WASF3: variants seen among roughly 807,000 people sequenced by gnomAD.
WASF3 encodes actin-binding protein WASF3.
WASF3 carries 11 observed loss-of-function variants against 46.6 expected under a neutral mutation model. The observed-to-expected ratio is 0.24, with a 90% CI of 0.15 to 0.39. The LOEUF (loss-of-function observed/expected upper bound fraction) is 0.39. Among genes scored for constraint, WASF3 ranks in the 10% least tolerant of loss-of-function variants. The probability of loss-of-function intolerance (pLI) is 1.00; values close to 1 mark genes in which losing one functional copy is unlikely to be tolerated. For synonymous variants in WASF3, 242 were observed against 259.7 expected (o/e 0.93, Z 0.65); for missense variants, 576 against 669.8 (o/e 0.86, Z 1.55).
intron 1 of WASF3, among the ~76,000 whole-genome samples, chr13:26,590,804 C>T (rs1184883144): frequency 6.6e-6 from 1 of 152,176 alleles, no homozygotes; most frequent in Non-Finnish European, 1.5e-5. Flanking sequence ...TCAAAAAAAT[C>T]CCTGCCCTCA....
chr13:26,544,316 C>A, the WASF3 span, among the ~76,000 whole-genome samples: 10 of 152,130 alleles, frequency 6.6e-5, no homozygotes, highest in Admixed American at 5.9e-4. Context: ...CAAAAGGAAC[C>A]CTTATCTAAG....
intron 1 of WASF3, among the ~76,000 whole-genome samples, chr13:26,582,077 G>A (rs1191968406): frequency 6.6e-6 from 1 of 152,186 alleles, no homozygotes; most frequent in Non-Finnish European, 1.5e-5. Context: ...CTTTGCATGA[G>A]TCTGATTTCT....
At chr13:26,666,360 T>C (rs552027495) in intron 4 of WASF3, among the ~76,000 whole-genome samples, 9 of 152,318 alleles carry the variant, frequency 5.9e-5, no homozygotes, top group African/African-American at 2.2e-4. Flanking sequence ...TTAAATTTTA[T>C]GAGATTTTAT....
chr13:26,636,706 C>T (rs1881834391), intron 2 of WASF3, among the ~76,000 whole-genome samples: 1 of 152,212 alleles, frequency 6.6e-6, no homozygotes. Context: ...ACAGCCTTAG[C>T]AGCCAGGCTG....
intron 4 of WASF3, among the ~76,000 whole-genome samples, chr13:26,665,395 T>C (rs889535243): frequency 6.6e-6 from 1 of 152,188 alleles, no homozygotes. Flanking sequence ...ATTACAAATA[T>C]AGTATTTGTT....
chr13:26,662,060 A>G (rs1167006249), intron 3 of WASF3, among the ~76,000 whole-genome samples: 2 of 152,192 alleles, frequency 1.3e-5, no homozygotes, highest in African/African-American at 2.4e-5. Flanking sequence ...TGGGGCTGCA[A>G]GTAGTGCATT....
intron 2 of WASF3, among the ~76,000 whole-genome samples, chr13:26,641,680 A>G (rs1882000884): frequency 1.3e-5 from 2 of 152,164 alleles, no homozygotes. Flanking sequence ...ATGGGTGAGG[A>G]GTCTGACTTC....
chr13:26,557,870 C>CACAGCAGCACAGAGGCTGTAGGCTG (rs1879146589), intron 1 of WASF3, 51 bp downstream of exon 1: 1 of 297,246 alleles, frequency 3.4e-6, no homozygotes, highest in Non-Finnish European at 6.2e-6. Flanking sequence ...CTGCTGTGGC[C>CACAGCAGCACAGAGGCTGTAGGCTG]CTCTCGGCTC....
chr13:26,602,268 A>G (rs1297073626), intron 1 of WASF3, among the ~76,000 whole-genome samples: 1 of 152,228 alleles, frequency 6.6e-6, no homozygotes, highest in African/African-American at 2.4e-5. Context: ...ATTGGATGCC[A>G]CTGATTAAAT....
At chr13:26,597,501 CTTTAAG>C (rs1361730538) in intron 1 of WASF3, among the ~76,000 whole-genome samples, 2 of 151,286 alleles carry the variant, frequency 1.3e-5, no homozygotes, top group African/African-American at 2.4e-5. Context: ...TTTTATTATA[CTTTAAG>C]TTTTAGGGTA....
intron 1 of WASF3, among the ~76,000 whole-genome samples, chr13:26,594,597 G>A (rs574679831): frequency 9.2e-5 from 14 of 152,154 alleles, no homozygotes; most frequent in African/African-American, 2.7e-4. Context: ...CACTTTCCCC[G>A]TGTACATCAT....
chr13:26,664,339 G>A (rs998724344), intron 3 of WASF3, among the ~76,000 whole-genome samples: 1 of 152,174 alleles, frequency 6.6e-6, no homozygotes, highest in South Asian at 2.1e-4. Flanking sequence ...ATAAAGTAAT[G>A]GTGTTAGGAT....
chr13:26,604,040 AAGAT>A (rs1231796277), intron 1 of WASF3, among the ~76,000 whole-genome samples: 1 of 152,162 alleles, frequency 6.6e-6, no homozygotes, highest in African/African-American at 2.4e-5. Flanking sequence ...CATAGTGAAG[AAGAT>A]AGAGTCAGTC....
chr13:26,658,480 G>A (rs1430701050), intron 3 of WASF3, among the ~76,000 whole-genome samples: 1 of 152,200 alleles, frequency 6.6e-6, no homozygotes, highest in Non-Finnish European at 1.5e-5. Context: ...AACATGATAT[G>A]TTAGATGCTT....
At chr13:26,670,354 G>A (rs796460386) in intron 5 of WASF3, among the ~76,000 whole-genome samples, 55 of 152,012 alleles carry the variant, frequency 3.6e-4, no homozygotes, top group African/African-American at 1.2e-3. Context: ...TGGGGGGTGA[G>A]GGACAAGGGG....
chr13:26,647,426 G>A (rs1882183475), intron 3 of WASF3, among the ~76,000 whole-genome samples: 2 of 152,082 alleles, frequency 1.3e-5, no homozygotes, highest in East Asian at 1.9e-4. Flanking sequence ...TGACAGTTTA[G>A]TGTTAATTAA....
Position 26,679,282 on chromosome 13 carries a change from A to G in WASF3, c.717-1772A>G, listed in dbSNP as rs919903652. 1.1e-4 allele frequency among the ~76,000 whole-genome samples: 17 copies of G among 151,872 alleles called. No homozygotes were observed. The highest frequency in any genetic ancestry group is 3.9e-4 in the African/African-American group (16 of 41,334). On this transcript the variant is annotated intron_variant, in intron 7 of 9. Coordinates refer to ENST00000335327, the MANE Select transcript of WASF3 (RefSeq NM_006646.6). The surrounding 1 kb of genome is among the most constrained non-coding windows in gnomAD (Gnocchi z 4.8). ...TCCTCCTCCTCCTGCCTGCTGGCAC[A>G]TCCCTTTTCTGTGGTCCTTCCCTCT...
intron 8 of WASF3, among the ~76,000 whole-genome samples, chr13:26,681,586 C>G (rs949114538): frequency 1.3e-5 from 2 of 152,090 alleles, no homozygotes; most frequent in Non-Finnish European, 2.9e-5. Flanking sequence ...CTCTTTAAGC[C>G]AAGGCATTGA....
intron 3 of WASF3, among the ~76,000 whole-genome samples, chr13:26,646,172 A>G (rs371771999): frequency 6.6e-6 from 1 of 152,236 alleles, no homozygotes; most frequent in South Asian, 2.1e-4. Flanking sequence ...AATGTTTTGC[A>G]TGAATCTTCA....
Sources: allele counts gnomAD v4.1 joint callset (sites outside exome capture counted in the v4.1 genomes callset), GRCh38; gene constraint gnomAD v4.1.1; non-coding constraint Gnocchi (gnomAD v3.1); transcripts MANE v1.5; gene names NCBI Gene and HGNC (gene_info 2026-07-23, HGNC 2026-07-21).